Variants in KIAA1217 observed in about 807,000 individuals in gnomAD.
KIAA1217 encodes sickle tail protein homolog.
A neutral mutation model predicts 163.9 loss-of-function variants in KIAA1217; 88 were observed. That is an observed-to-expected ratio of 0.54 (90% CI 0.45 to 0.64). KIAA1217 has a LOEUF of 0.64. KIAA1217 is among the 30% of genes least tolerant of loss of function. The pLI, the probability that KIAA1217 is intolerant of heterozygous loss-of-function variation, is 0.00. For synonymous variants in KIAA1217, 903 were observed against 923.1 expected (o/e 0.98, Z 0.39); for missense variants, 2,372 against 2,475.0 (o/e 0.96, Z 0.88).
intron 2 of KIAA1217, among the ~76,000 whole-genome samples, chr10:24,270,270 C>T (rs1384025723): frequency 6.6e-6 from 1 of 152,208 alleles, no homozygotes; most frequent in African/African-American, 2.4e-5. Context: ...GGTCACTGAA[C>T]ACTGTCTCAT....
intron 2 of KIAA1217, among the ~76,000 whole-genome samples, chr10:24,314,411 C>G (rs967474888): frequency 6.6e-6 from 1 of 152,120 alleles, no homozygotes; most frequent in African/African-American, 2.4e-5. Context: ...GTCATCTGTC[C>G]AAGGTAGCAC....
chr10:24,228,722 G>A (rs2070944051), intron 2 of KIAA1217, among the ~76,000 whole-genome samples: 1 of 152,098 alleles, frequency 6.6e-6, no homozygotes, highest in African/African-American at 2.4e-5. Context: ...GTTGTATTCA[G>A]GTTTTGGCTG....
At chr10:23,946,399 G>A (rs901391537) in intron 1 of KIAA1217, among the ~76,000 whole-genome samples, 6 of 151,178 alleles carry the variant, frequency 4.0e-5, no homozygotes, top group African/African-American at 1.5e-4. Flanking sequence ...AGGGCTTCCT[G>A]ATTTATTTCA....
chr10:24,455,253 GA>G (rs2061678381), intron 5 of KIAA1217, among the ~76,000 whole-genome samples: 1 of 152,076 alleles, frequency 6.6e-6, no homozygotes. Flanking sequence ...TTTTGGCACA[GA>G]ATTTTTATCG....
intron 1 of KIAA1217, among the ~76,000 whole-genome samples, chr10:23,821,978 C>T (rs947821417): frequency 4.6e-5 from 7 of 152,198 alleles, no homozygotes; most frequent in Non-Finnish European, 5.9e-5. Flanking sequence ...TCCTGAAGCC[C>T]CTGCTGCTTG....
At chr10:24,389,354 G>C (rs1447106527) in intron 3 of KIAA1217, among the ~76,000 whole-genome samples, 1 of 151,858 alleles carries the variant, frequency 6.6e-6, no homozygotes, top group East Asian at 1.9e-4. Context: ...TGAACAATGA[G>C]AACACTTGGA....
In KIAA1217 at chr10:24,436,355, C is replaced by T. The variant is rs550724282; in HGVS notation, c.753-2031C>T. On this transcript the variant is annotated intron_variant, in intron 4 of 20. Transcript: ENST00000376454. ...AATGTTTATGCTATGTGAGCACATG[C>T]ATGTCGCTTCCAAAGAATTATTCTA... Among the ~76,000 whole-genome samples the T allele has an allele frequency of 7.3e-4, 111 of 151,976 alleles. No individual in the cohort carries two copies. The Middle Eastern group carries it at 0.01, about 14-fold the overall frequency.
intron 1 of KIAA1217, among the ~76,000 whole-genome samples, chr10:23,715,189 T>A (rs1282019712): frequency 6.6e-6 from 1 of 152,230 alleles, no homozygotes; most frequent in East Asian, 1.9e-4. Flanking sequence ...TCTTACTCCA[T>A]GGTGAGCTTC....
At position 24,542,785 on chromosome 10, in the gene KIAA1217, T is replaced by A; in HGVS notation, c.3612+15T>A. 6.2e-7 allele frequency: 1 copy of A among 1,613,582 alleles called. No homozygotes were observed. The highest frequency in any genetic ancestry group is 8.5e-7 in the Non-Finnish European group (1 of 1,179,520). On this transcript the variant is annotated intron_variant, in intron 18 of 20. Transcript: ENST00000376454. ...AATTCCAAAAGGTGAGTTCACCAGA[T>A]CTGGGTTCCGACCAATACCATGCAC...
intron 2 of KIAA1217, among the ~76,000 whole-genome samples, chr10:24,155,585 C>A (rs777231327): frequency 2.0e-5 from 3 of 152,066 alleles, no homozygotes; most frequent in Non-Finnish European, 4.4e-5. Flanking sequence ...CTTTAGGAGG[C>A]CGAGGTGGGC....
intron 1 of KIAA1217, among the ~76,000 whole-genome samples, chr10:23,793,242 T>C (rs73604420): frequency 0.097 from 14,706 of 152,186 alleles, 1,529 homozygotes; most frequent in African/African-American, 0.25. Flanking sequence ...CAAGGAGAAC[T>C]TCACAAGTGA....
intron 1 of KIAA1217, among the ~76,000 whole-genome samples, chr10:23,860,348 C>T (rs1330436465): frequency 6.6e-6 from 1 of 151,996 alleles, no homozygotes; most frequent in Non-Finnish European, 1.5e-5. Flanking sequence ...CTCCTTGCTT[C>T]TAACCTACTT....
chr10:24,221,679 G>C (rs1287684587), intron 2 of KIAA1217, among the ~76,000 whole-genome samples: 1 of 152,268 alleles, frequency 6.6e-6, no homozygotes, highest in South Asian at 2.1e-4. Context: ...AAACCCAGAA[G>C]AGGAGAAAAG....
intron 1 of KIAA1217, among the ~76,000 whole-genome samples, chr10:23,966,204 C>A (rs1156362742): frequency 6.6e-6 from 1 of 152,178 alleles, no homozygotes; most frequent in Non-Finnish European, 1.5e-5. Flanking sequence ...TTTTCATTCT[C>A]CCCTGAGATC....
At chr10:24,480,338 C>G (rs1309864467) in intron 6 of KIAA1217, among the ~76,000 whole-genome samples, 1 of 152,238 alleles carries the variant, frequency 6.6e-6, no homozygotes, top group East Asian at 1.9e-4. Context: ...TGCCCTCCTC[C>G]TCGTGATAAA....
intron 2 of KIAA1217, among the ~76,000 whole-genome samples, chr10:24,073,900 G>A (rs149987986): frequency 8.5e-4 from 129 of 152,298 alleles, no homozygotes; most frequent in African/African-American, 3.0e-3. Context: ...CAGGGTTTCT[G>A]TAGTAGGTGG....
intron 1 of KIAA1217, among the ~76,000 whole-genome samples, chr10:23,775,436 A>G (rs890414517): frequency 3.3e-5 from 5 of 152,096 alleles, no homozygotes; most frequent in Non-Finnish European, 7.4e-5. Context: ...GAGACAATGC[A>G]TTCAGTTTCA....
chr10:24,186,388 A>G (rs1233930514), intron 2 of KIAA1217, among the ~76,000 whole-genome samples: 1 of 152,322 alleles, frequency 6.6e-6, no homozygotes, highest in African/African-American at 2.4e-5. Context: ...ACTGCCTTCC[A>G]GAGTTGACTT....
chr10:24,444,292 G>T (rs536261193), intron 5 of KIAA1217, among the ~76,000 whole-genome samples: 1 of 152,236 alleles, frequency 6.6e-6, no homozygotes, highest in African/African-American at 2.4e-5. Context: ...ATTTACAGGC[G>T]TGAGCCACCA....
Sources: allele counts gnomAD v4.1 joint callset (sites outside exome capture counted in the v4.1 genomes callset), GRCh38; gene constraint gnomAD v4.1.1; transcripts MANE v1.5; gene names NCBI Gene and HGNC (gene_info 2026-07-23, HGNC 2026-07-21).